The following DGCR8 variants were observed in gnomAD, a reference collection of about 807,000 sequenced individuals.
DGCR8 encodes the protein microprocessor complex subunit DGCR8.
A neutral mutation model predicts 78.5 loss-of-function variants in DGCR8; 14 were observed. The observed-to-expected ratio is 0.18, with a 90% confidence interval of 0.12 to 0.28. The LOEUF is 0.28. DGCR8 is among the 10% of genes least tolerant of loss of function. The pLI, the probability that DGCR8 is intolerant of heterozygous loss-of-function variation, is 1.00. For missense variants in DGCR8, 702 were observed against 1,022.5 expected (o/e 0.69, Z 4.28); for synonymous variants, 399 against 402.4 (o/e 0.99, Z 0.10).
At chr22:20,083,291 G>T (rs534536016) in intron 1 of DGCR8, among the ~76,000 whole-genome samples, 2 of 151,370 alleles carry the variant, frequency 1.3e-5, no homozygotes. Context: ...AGTTGTTAGC[G>T]GTCCATCTCC....
At chr22:20,094,435 A>G (rs2049603142) in intron 8 of DGCR8, among the ~76,000 whole-genome samples, 1 of 152,192 alleles carries the variant, frequency 6.6e-6, no homozygotes, top group African/African-American at 2.4e-5. Flanking sequence ...TGGTTCCCTA[A>G]CATACAGCTC....
rs185142396 is a variant in DGCR8 at position 20,097,504 on chromosome 22, A to G, written c.1788+2709A>G. Among the ~76,000 whole-genome samples, 330 of 152,080 alleles carry G rather than the reference A, an allele frequency of 2.2e-3. 1 individual carries two copies. The highest frequency in any genetic ancestry group is 4.0e-3 in the Non-Finnish European group (274 of 67,980). On this transcript the variant is annotated intron_variant, in intron 9 of 13. Coordinates refer to ENST00000351989, the MANE Select transcript of DGCR8 (RefSeq NM_022720.7). ...CCCCATATGACCCTTTTTTATTTCT[A>G]TATGGTTGTGATGGTCCCTTGCTGT... is the stretch of plus-strand genomic sequence containing the variant.
chr22:20,080,952 A>G (rs1413314173), intron 1 of DGCR8, among the ~76,000 whole-genome samples: 1 of 152,178 alleles, frequency 6.6e-6, no homozygotes, highest in African/African-American at 2.4e-5. Flanking sequence ...GCATGCTTGC[A>G]TGTACCTTGT....
Position 20,101,563 on chromosome 22 carries a change from G to GTGAGACTCCGT in DGCR8, c.1789-4614_1789-4613insTGAGACTCCGT, listed in dbSNP as rs1178805423. 3.0e-4 allele frequency: 292 copies of GTGAGACTCCGT among 981,298 alleles called. No homozygotes were observed. The African/African-American group carries it at 5.0e-3, about 17-fold the overall frequency. The allele number at this position is 981,298 out of a possible 1,614,324, so 60.8% of individuals were successfully genotyped here. ...ACTGCACTCCAGCCTGGGCGACGGA[G>GTGAGACTCCGT]CGAGAATATGTCTCAAAAAAAAAAA... On this transcript the variant is annotated intron_variant, in intron 9 of 13. Transcript: ENST00000351989.
rs745320553 is a variant in DGCR8, at chr22:20,110,112, A to G, written c.*4A>G. The G allele has an allele frequency of 5.6e-6, 9 of 1,608,108 alleles. No homozygotes were observed. In the East Asian group the frequency reaches 1.1e-4, roughly 20 times the overall value. On this transcript the variant is annotated 3_prime_UTR_variant, in exon 14 of 14. Coordinates refer to ENST00000351989, the MANE Select transcript of DGCR8 (RefSeq NM_022720.7). The stretch of plus-strand genomic sequence containing the variant: ...CCTGTGCACCGTGGACGTGTGAGGG[A>G]GGTGGCACGGGCCAGGGCGCGGGGG...
At chr22:20,083,732 T>C (rs1197881245) in intron 1 of DGCR8, among the ~76,000 whole-genome samples, 1 of 152,072 alleles carries the variant, frequency 6.6e-6, no homozygotes, top group Non-Finnish European at 1.5e-5. Context: ...GGTTCTGAGG[T>C]GTGTGGCCCT....
chr22:20,111,313 T>C lies in DGCR8; in HGVS notation c.*1205T>C, dbSNP rs548564421. ...CGCCATCTGAAGCAAGAGTCCAGCG[T>C]TCTGCCGTGTCTGTCCCCCACCATG... is the stretch of plus-strand genomic sequence containing the variant. On this transcript the variant is annotated 3_prime_UTR_variant, in exon 14 of 14. Transcript: ENST00000351989. 279 of 398,520 alleles carry C rather than the reference T, an allele frequency of 7.0e-4. No homozygotes were observed. Among genetic ancestry groups the C allele is most frequent in the African/African-American group, 5.4e-3 (263 of 48,614 alleles). The allele number at this position is 398,520 out of a possible 1,614,324, so 24.7% of individuals were successfully genotyped here. A position where few individuals can be genotyped will look rare whatever the true frequency, so the allele number is the denominator to read the frequency against.
chr22:20,095,904 C>T (rs116089709), intron 9 of DGCR8, among the ~76,000 whole-genome samples: 2,136 of 152,248 alleles, frequency 0.014, 50 homozygotes, highest in African/African-American at 0.047. Flanking sequence ...AGTACACAAC[C>T]TAGATCCCTT....
chr22:20,089,045 A>G lies in DGCR8; in HGVS notation c.881-624A>G, dbSNP rs1424010470. Among the ~76,000 whole-genome samples, 1 of 152,198 alleles carries G rather than the reference A, an allele frequency of 6.6e-6. No homozygotes were observed. The highest frequency in any genetic ancestry group is 6.5e-5 in the Admixed American group (1 of 15,284). ...TGTTCCCAATACCTGTGAGAAAATT[A>G]AGTTTTAGTTACATCTTTGCCTTAC... On this transcript the variant is annotated intron_variant, in intron 3 of 13. Coordinates refer to ENST00000351989, the MANE Select transcript of DGCR8 (RefSeq NM_022720.7). This position sits in a 1 kb window ranked among gnomAD's most constrained non-coding sequence, Gnocchi z 4.9.
chr22:20,102,966 CTACT>C (rs780461981), intron 9 of DGCR8, among the ~76,000 whole-genome samples: 4 of 152,024 alleles, frequency 2.6e-5, no homozygotes, highest in African/African-American at 4.8e-5. Context: ...AACCCCATCT[CTACT>C]TAAATACAAA....
intron 12 of DGCR8, chr22:20,108,636 T>C: frequency 5.6e-6 from 2 of 359,218 alleles, no homozygotes; most frequent in Non-Finnish European, 5.4e-6. Flanking sequence ...GGAGGCCATA[T>C]AAGTGGCGTG....
intron 1 of DGCR8, chr22:20,084,999 A>C (rs561064949): frequency 1.0e-6 from 1 of 985,348 alleles, no homozygotes; most frequent in Non-Finnish European, 1.2e-6. Context: ...CCTCGGCTCC[A>C]GCTGTCTCTT....
Position 20,093,221 on chromosome 22 carries a change from C to T in DGCR8, c.1705+314C>T, listed in dbSNP as rs142548070. 3.0e-3 allele frequency among the ~76,000 whole-genome samples: 462 copies of T among 151,988 alleles called. 4 individuals carry two copies. The highest frequency in any genetic ancestry group is 0.01 in the African/African-American group (430 of 41,466). On this transcript the variant is annotated intron_variant, in intron 8 of 13. Transcript: ENST00000351989. ...GAGATCGAGACCATCCTGGCTAACA[C>T]GGTGAAACCCTCTCTCTACTAAAAA...
chr22:20,096,428 A>G (rs1602488305), intron 9 of DGCR8: 2 of 985,268 alleles, frequency 2.0e-6, no homozygotes, highest in East Asian at 2.3e-4. Context: ...GTGAAGAACC[A>G]TTTAAAACTA....
intron 13 of DGCR8, 71 bp from the exon 14 acceptor site, chr22:20,109,954 C>T (rs1304592926): frequency 1.4e-6 from 2 of 1,470,706 alleles, no homozygotes; most frequent in African/African-American, 1.4e-5. Flanking sequence ...GGCTCTCCCT[C>T]CACCTTGTGT....
chr22:20,080,253 G>C lies in DGCR8; in HGVS notation c.-408G>C. The C allele has an allele frequency of 1.0e-6, 1 of 975,756 alleles. No individual in the cohort carries two copies. Among genetic ancestry groups the C allele is most frequent in the Non-Finnish European group, 1.2e-6 (1 of 823,258 alleles). The allele number at this position is 975,756 out of a possible 1,614,324, so 60.4% of individuals were successfully genotyped here. ...GCGAAGGCCCGCCCTCCGCTCGCCC[G>C]GCGCGGCAGGCGGGTGCCGGCGACC... On this transcript the variant is annotated 5_prime_UTR_variant, in exon 1 of 14. Coordinates refer to ENST00000351989, the MANE Select transcript of DGCR8 (RefSeq NM_022720.7).
chr22:20,098,664 G>A (rs1036496293), intron 9 of DGCR8, among the ~76,000 whole-genome samples: 7 of 152,172 alleles, frequency 4.6e-5, no homozygotes, highest in Admixed American at 2.0e-4. Flanking sequence ...AGTTCTGGAA[G>A]CCAGAAGTCC....
At chr22:20,081,145 C>T (rs766096875) in intron 1 of DGCR8, among the ~76,000 whole-genome samples, 7 of 152,120 alleles carry the variant, frequency 4.6e-5, no homozygotes, top group Admixed American at 1.3e-4. Context: ...CCTCTAAGTG[C>T]GGGATATGAG....
Position 20,086,467 on chromosome 22 carries a change from T to C in DGCR8, c.504T>C (p.Val168=), listed in dbSNP as rs770524071. Residue 168 remains valine (V), a synonymous_variant, in exon 2 of 14, where the codon GTT becomes GTC. Coordinates refer to ENST00000351989, the MANE Select transcript of DGCR8 (RefSeq NM_022720.7). This position sits in a 1 kb window ranked among gnomAD's most constrained non-coding sequence, Gnocchi z 6.4. ...DVHACPFGGS[V]GDGVGIGGES... ...ATGCTTGTCCCTTTGGCGGGAGTGTTGGTGACGGGGTAGGCATAGGGGGTG... is the reference window on the plus strand; with the variant it reads ...ATGCTTGTCCCTTTGGCGGGAGTGTCGGTGACGGGGTAGGCATAGGGGGTG... 6.2e-7 allele frequency: 1 copy of C among 1,613,854 alleles called. No homozygotes were observed. Among genetic ancestry groups the C allele is most frequent in the East Asian group, 2.2e-5 (1 of 44,854 alleles).
Sources: gnomAD v4.1 joint callset for allele counts (sites outside exome capture counted in the v4.1 genomes callset) on GRCh38, gnomAD v4.1.1 for gene constraint, Gnocchi (gnomAD v3.1) non-coding constraint, MANE v1.5 for transcripts, NCBI Gene and HGNC (gene_info 2026-07-23, HGNC 2026-07-21) for gene names.